HS3ST5: variants seen among roughly 807,000 people sequenced by gnomAD.
HS3ST5 encodes heparan sulfate-glucosamine 3-sulfotransferase 5, also known as heparan sulfate glucosamine 3-O-sulfotransferase 5.
HS3ST5 carries 10 observed loss-of-function variants against 25.4 expected under a neutral mutation model. That is an observed-to-expected ratio of 0.39 (90% CI 0.24 to 0.67). The LOEUF (loss-of-function observed/expected upper bound fraction) is 0.67, where lower values mean the gene tolerates loss of function less well. HS3ST5 is among the 30% of genes least tolerant of loss of function. The probability of loss-of-function intolerance (pLI) is 0.44; values close to 1 mark genes in which losing one functional copy is unlikely to be tolerated. For synonymous variants in HS3ST5, 170 were observed against 162.4 expected (o/e 1.05, Z -0.36); for missense variants, 324 against 420.7 (o/e 0.77, Z 2.01).
At chr6:114,172,525 G>A (rs1172617991) in intron 2 of HS3ST5, among the ~76,000 whole-genome samples, 1 of 152,226 alleles carries the variant, frequency 6.6e-6, no homozygotes, top group Non-Finnish European at 1.5e-5. Context: ...CCCGTTTGAG[G>A]AGCTAGAATA....
chr6:114,061,380 A>C (rs979422179), intron 4 of HS3ST5, among the ~76,000 whole-genome samples: 5 of 152,274 alleles, frequency 3.3e-5, no homozygotes, highest in East Asian at 3.9e-4. Flanking sequence ...GGTAACAACT[A>C]GTGAGTGAGA....
intron 1 of HS3ST5, among the ~76,000 whole-genome samples, chr6:114,309,913 T>C (rs1016401551): frequency 1.3e-5 from 2 of 152,190 alleles, no homozygotes; most frequent in African/African-American, 4.8e-5. Flanking sequence ...TTTTCCAACT[T>C]TGATTTCATA....
intron 2 of HS3ST5, among the ~76,000 whole-genome samples, chr6:114,214,766 G>A (rs1781673477): frequency 6.6e-6 from 1 of 152,172 alleles, no homozygotes; most frequent in South Asian, 2.1e-4. Flanking sequence ...CTAGGCCCCA[G>A]AACAAGAATC....
chr6:114,341,875 C>G (rs79329718), intron 1 of HS3ST5, among the ~76,000 whole-genome samples: 2,919 of 152,206 alleles, frequency 0.019, 85 homozygotes, highest in African/African-American at 0.065. Context: ...CTTTCTCCCT[C>G]AAAGAGAGCG....
At chr6:114,082,555 G>C (rs1774519001) in intron 3 of HS3ST5, among the ~76,000 whole-genome samples, 2 of 152,176 alleles carry the variant, frequency 1.3e-5, no homozygotes. Context: ...TTATTGAGCG[G>C]TGTTAAAGAA....
At chr6:114,266,169 AATTT>A (rs1386409867) in intron 1 of HS3ST5, among the ~76,000 whole-genome samples, 1 of 152,166 alleles carries the variant, frequency 6.6e-6, no homozygotes, top group African/African-American at 2.4e-5. Flanking sequence ...CATATCCAAA[AATTT>A]ATTTAACTCA....
At chr6:114,169,088 G>A (rs1004705090) in intron 2 of HS3ST5, among the ~76,000 whole-genome samples, 1 of 152,134 alleles carries the variant, frequency 6.6e-6, no homozygotes, top group African/African-American at 2.4e-5. Context: ...GCAATGCCAA[G>A]CTCTTTTTTA....
chr6:114,299,172 T>C (rs1215645038), intron 1 of HS3ST5, among the ~76,000 whole-genome samples: 2 of 152,124 alleles, frequency 1.3e-5, no homozygotes, highest in African/African-American at 4.8e-5. Flanking sequence ...AATGGCCCCC[T>C]TGGGTGTAGC....
At chr6:114,324,162 T>C (rs1248980338) in intron 1 of HS3ST5, among the ~76,000 whole-genome samples, 1 of 152,252 alleles carries the variant, frequency 6.6e-6, no homozygotes, top group East Asian at 1.9e-4. Context: ...TTACCCACTG[T>C]GGTTCCCTTT....
At chr6:114,265,003 C>T (rs944515132) in intron 1 of HS3ST5, among the ~76,000 whole-genome samples, 3 of 152,116 alleles carry the variant, frequency 2.0e-5, no homozygotes, top group Admixed American at 6.5e-5. Flanking sequence ...CCTCAGCCTC[C>T]TGAGTAGCTG....
chr6:114,223,113 T>A (rs569532704), intron 2 of HS3ST5, among the ~76,000 whole-genome samples: 1 of 151,776 alleles, frequency 6.6e-6, no homozygotes, highest in Non-Finnish European at 1.5e-5. Flanking sequence ...GAGGTATATA[T>A]AATAAAGGCC....
chr6:114,251,117 TA>T (rs1772639434), intron 1 of HS3ST5, among the ~76,000 whole-genome samples: 1 of 152,142 alleles, frequency 6.6e-6, no homozygotes, highest in Non-Finnish European at 1.5e-5. Context: ...AATACAGAAA[TA>T]GGGGTAAATT....
At chr6:114,088,734 G>GTA (rs889888513) in intron 3 of HS3ST5, among the ~76,000 whole-genome samples, 6 of 152,018 alleles carry the variant, frequency 3.9e-5, no homozygotes, top group African/African-American at 1.2e-4. Flanking sequence ...AGATATGTGT[G>GTA]TATATATATA....
rs1554226914 is a variant in HS3ST5 at position 114,306,256 on chromosome 6, T to TAC, written c.-339+35937_-339+35938dup. Among the ~76,000 whole-genome samples the TAC allele has an allele frequency of 6.8e-3, 779 of 115,390 alleles. 10 individuals carry two copies. Among genetic ancestry groups the TAC allele is most frequent in the African/African-American group, 0.02 (678 of 33,328 alleles). 75.7% of individuals were successfully genotyped at this position (115,390 alleles called of 152,430 possible). A position where few individuals can be genotyped will look rare whatever the true frequency, so the allele number is the denominator to read the frequency against. On this transcript the variant is annotated intron_variant, in intron 1 of 4. Coordinates refer to ENST00000312719, the MANE Select transcript of HS3ST5 (RefSeq NM_153612.4). Reference sequence around the variant, plus strand: ...AAATATACATATATATATATATATATACACACACACACACACACACACATA... The same window carrying TAC: ...AAATATACATATATATATATATATATACACACACACACACACACACACACATA...
intron 1 of HS3ST5, among the ~76,000 whole-genome samples, chr6:114,286,454 T>C (rs1774344112): frequency 2.0e-5 from 3 of 152,098 alleles, no homozygotes; most frequent in Admixed American, 6.6e-5. Flanking sequence ...AAAGGGTAGA[T>C]CTCATGTTAA....
intron 3 of HS3ST5, among the ~76,000 whole-genome samples, chr6:114,090,540 G>C (rs1775068480): frequency 6.6e-6 from 1 of 152,072 alleles, no homozygotes; most frequent in Non-Finnish European, 1.5e-5. Context: ...TGGAAAACTT[G>C]TTGGTCATGA....
chr6:114,080,774 C>T (rs1469570777), intron 3 of HS3ST5, among the ~76,000 whole-genome samples: 1 of 152,070 alleles, frequency 6.6e-6, no homozygotes, highest in African/African-American at 2.4e-5. Flanking sequence ...ACACTGCAGA[C>T]TACTAGAGGT....
At chr6:114,270,574 G>T (rs1773595697) in intron 1 of HS3ST5, among the ~76,000 whole-genome samples, 1 of 152,070 alleles carries the variant, frequency 6.6e-6, no homozygotes, top group African/African-American at 2.4e-5. Context: ...ACTTAAATGG[G>T]CAGGAGGCAG....
intron 2 of HS3ST5, among the ~76,000 whole-genome samples, chr6:114,212,318 A>G (rs1325336329): frequency 1.3e-5 from 2 of 152,186 alleles, no homozygotes; most frequent in Non-Finnish European, 2.9e-5. Flanking sequence ...GAGAGCTTCT[A>G]CCATTCAGTT....
Sources: gnomAD v4.1 joint callset for allele counts (sites outside exome capture counted in the v4.1 genomes callset) on GRCh38, gnomAD v4.1.1 for gene constraint, MANE v1.5 for transcripts, NCBI Gene and HGNC (gene_info 2026-07-23, HGNC 2026-07-21) for gene names.